CPA6: variants seen among roughly 807,000 people sequenced by gnomAD.
CPA6 encodes the protein carboxypeptidase A6.
In CPA6, 58 loss-of-function variants were observed where a neutral mutation model predicts 63.3. The observed-to-expected ratio is 0.92, with a 90% CI of 0.74 to 1.14. CPA6 has a LOEUF of 1.14. Among genes scored for constraint, CPA6 ranks in the 50% most tolerant of loss-of-function variants. The pLI, the probability that CPA6 is intolerant of heterozygous loss-of-function variation, is 0.00. For missense variants in CPA6, 565 were observed against 526.6 expected (o/e 1.07, Z -0.71); for synonymous variants, 185 against 179.0 (o/e 1.03, Z -0.27).
intron 2 of CPA6, among the ~76,000 whole-genome samples, chr8:67,533,387 A>G (rs1390077449): frequency 6.6e-6 from 1 of 152,244 alleles, no homozygotes; most frequent in African/African-American, 2.4e-5. Flanking sequence ...AGATTTTTAT[A>G]TAACAAAGAA....
intron 1 of CPA6, among the ~76,000 whole-genome samples, chr8:67,677,703 C>T (rs1165442720): frequency 6.6e-6 from 1 of 152,030 alleles, no homozygotes; most frequent in Non-Finnish European, 1.5e-5. Context: ...ATTATTCTTG[C>T]TCCACTAGAA....
intron 1 of CPA6, among the ~76,000 whole-genome samples, chr8:67,719,039 T>C (rs1817440840): frequency 6.6e-6 from 1 of 152,144 alleles, no homozygotes; most frequent in South Asian, 2.1e-4. Flanking sequence ...TTTTCTCTTA[T>C]TCTTTTGGGC....
chr8:67,423,078 T>C (rs1809804163), intron 10 of CPA6, among the ~76,000 whole-genome samples: 1 of 152,200 alleles, frequency 6.6e-6, no homozygotes, highest in Non-Finnish European at 1.5e-5. Context: ...TGAAATTGTG[T>C]TCCCAGAAAT....
At chr8:67,524,058 T>G (rs1812312756) in intron 2 of CPA6, among the ~76,000 whole-genome samples, 1 of 152,246 alleles carries the variant, frequency 6.6e-6, no homozygotes, top group African/African-American at 2.4e-5. Flanking sequence ...CAATTCAATA[T>G]TAGTTTACAC....
chr8:67,672,001 T>G (rs1355293632), intron 1 of CPA6, among the ~76,000 whole-genome samples: 1 of 152,060 alleles, frequency 6.6e-6, no homozygotes, highest in Admixed American at 6.5e-5. Flanking sequence ...AGCTAATTTT[T>G]GTATTTTTAG....
rs371362749 is a variant in CPA6 at position 67,582,267 on chromosome 8, C to T, written c.192+41909G>A. Among the ~76,000 whole-genome samples, 3 of 152,170 alleles carry T rather than the reference C, an allele frequency of 2.0e-5. No individual in the cohort carries two copies. The South Asian group carries it at 6.2e-4, about 32-fold the overall frequency. ...GTCAGTTCCAATATATATGGGATGGCTGATAGATTTGTAATTATTGTTGCA... is the reference window on the plus strand; with the variant it reads ...GTCAGTTCCAATATATATGGGATGGTTGATAGATTTGTAATTATTGTTGCA... On this transcript the variant is annotated intron_variant, in intron 2 of 10. Coordinates refer to ENST00000297770, the MANE Select transcript of CPA6 (RefSeq NM_020361.5).
At chr8:67,438,596 A>C (rs1381348999) in intron 8 of CPA6, among the ~76,000 whole-genome samples, 3 of 152,180 alleles carry the variant, frequency 2.0e-5, no homozygotes, top group African/African-American at 7.2e-5. Flanking sequence ...CCACAAAATA[A>C]TGAGTAACTC....
chr8:67,617,178 G>T (rs1399429190), intron 2 of CPA6, among the ~76,000 whole-genome samples: 2 of 152,222 alleles, frequency 1.3e-5, no homozygotes, highest in Non-Finnish European at 2.9e-5. Context: ...CACTGGGGTA[G>T]ATCGTCATCA....
intron 10 of CPA6, among the ~76,000 whole-genome samples, chr8:67,425,272 A>G (rs1024864586): frequency 6.6e-6 from 1 of 151,860 alleles, no homozygotes; most frequent in African/African-American, 2.4e-5. Flanking sequence ...AGATAATCCT[A>G]TTATTATTAT....
intron 2 of CPA6, among the ~76,000 whole-genome samples, chr8:67,544,326 G>C (rs1812768769): frequency 6.6e-6 from 1 of 152,154 alleles, no homozygotes; most frequent in South Asian, 2.1e-4. Context: ...ATTGTTACAG[G>C]AAGGAACGCT....
At chr8:67,735,831 C>A (rs1817802013) in intron 1 of CPA6, among the ~76,000 whole-genome samples, 1 of 152,156 alleles carries the variant, frequency 6.6e-6, no homozygotes, top group South Asian at 2.1e-4. Context: ...TGTTCATGAG[C>A]ATGCTGTTAC....
intron 1 of CPA6, among the ~76,000 whole-genome samples, chr8:67,720,878 A>G (rs1419277136): frequency 6.6e-6 from 1 of 152,178 alleles, no homozygotes; most frequent in Non-Finnish European, 1.5e-5. Flanking sequence ...TACTTTGCAT[A>G]GTTTATTCAG....
At chr8:67,423,923 A>G (rs1365987068) in intron 10 of CPA6, among the ~76,000 whole-genome samples, 1 of 152,192 alleles carries the variant, frequency 6.6e-6, no homozygotes, top group Non-Finnish European at 1.5e-5. Flanking sequence ...GTGGGAAGTG[A>G]GTGGTGGGTG....
At chr8:67,556,390 C>T (rs906344813) in intron 2 of CPA6, among the ~76,000 whole-genome samples, 2 of 152,154 alleles carry the variant, frequency 1.3e-5, no homozygotes, top group African/African-American at 4.8e-5. Context: ...AAGAAGCTGA[C>T]ATCCTGCGCT....
intron 8 of CPA6, among the ~76,000 whole-genome samples, chr8:67,459,316 G>A (rs1229155121): frequency 1.3e-5 from 2 of 152,114 alleles, no homozygotes; most frequent in Non-Finnish European, 2.9e-5. Flanking sequence ...GTGCCACCAT[G>A]CCCAGCCAAC....
intron 1 of CPA6, among the ~76,000 whole-genome samples, chr8:67,728,837 G>A (rs1246091545): frequency 6.6e-6 from 1 of 152,200 alleles, no homozygotes; most frequent in Non-Finnish European, 1.5e-5. Context: ...ACCCAGGCAG[G>A]CTGAGGATGG....
intron 2 of CPA6, among the ~76,000 whole-genome samples, chr8:67,561,480 C>A (rs545527094): frequency 6.6e-6 from 1 of 152,054 alleles, no homozygotes; most frequent in South Asian, 2.1e-4. Flanking sequence ...ATTCTAGTCA[C>A]GAGGAAACGT....
intron 10 of CPA6, among the ~76,000 whole-genome samples, chr8:67,426,143 C>G (rs1347560191): frequency 6.6e-6 from 1 of 152,030 alleles, no homozygotes; most frequent in African/African-American, 2.4e-5. Flanking sequence ...TAATTTTTGT[C>G]TTTTTAGTAG....
chr8:67,447,356 A>G (rs940041427), intron 8 of CPA6, among the ~76,000 whole-genome samples: 3 of 152,120 alleles, frequency 2.0e-5, no homozygotes, highest in African/African-American at 7.2e-5. Flanking sequence ...ACAATACTAC[A>G]ATAAAGAAAG....
Sources: allele counts gnomAD v4.1 joint callset (sites outside exome capture counted in the v4.1 genomes callset), GRCh38; gene constraint gnomAD v4.1.1; transcripts MANE v1.5; gene names NCBI Gene and HGNC (gene_info 2026-07-23, HGNC 2026-07-21).